The following XCR1 variants were observed in gnomAD, a reference collection of about 807,000 sequenced individuals.
XCR1 encodes the protein X-C motif chemokine receptor 1, also known as chemokine XC receptor 1.
For missense variants in XCR1, 356 were observed against 424.2 expected (o/e 0.84, Z 1.41); for synonymous variants, 187 against 188.5 (o/e 0.99, Z 0.06).
chr3:46,029,112 C>A (rs1708354515), upstream of XCR1, among the ~76,000 whole-genome samples: 1 of 152,180 alleles, frequency 6.6e-6, no homozygotes, highest in Admixed American at 6.5e-5. Context: ...AATCACAAAT[C>A]CTCCAACTTT....
chr3:46,038,560 A>C (rs763803840), intron 5 of XCR1, among the ~76,000 whole-genome samples: 33 of 152,168 alleles, frequency 2.2e-4, no homozygotes, highest in Non-Finnish European at 4.4e-4. Context: ...ATTTCTAACG[A>C]GTCATCATTT....
In XCR1 at chr3:46,019,166, C is replaced by T. The variant is rs372370900; in HGVS notation, c.*1780G>A. ...TAAGCAATCTCTCTACTACTACACC[C>T]TACTCTCTTTCTACTACTCTCTGAG... On this transcript the variant is annotated 3_prime_UTR_variant, in exon 2 of 2. Transcript: ENST00000309285. 1.4e-4 allele frequency: 22 copies of T among 152,170 alleles called. No individual in the cohort carries two copies. Among genetic ancestry groups the T allele is most frequent in the African/African-American group, 5.3e-4 (22 of 41,448 alleles). The allele number at this position is 152,170 out of a possible 1,614,324, so 9.4% of individuals were successfully genotyped here. A position where few individuals can be genotyped will look rare whatever the true frequency, so the allele number is the denominator to read the frequency against.
At chr3:46,077,153 G>T (rs1441031668) in intron 1 of XCR1, among the ~76,000 whole-genome samples, 1 of 152,182 alleles carries the variant, frequency 6.6e-6, no homozygotes, top group East Asian at 1.9e-4. Context: ...CTAGCTCAGG[G>T]GTCCTCAACC....
At position 46,017,294 on chromosome 3, in the gene XCR1, A is replaced by G. The variant is rs1311430706; in HGVS notation, c.*3652T>C. On this transcript the variant is annotated 3_prime_UTR_variant, in exon 2 of 2. Transcript: ENST00000309285. ...ACTCCACAGACAGTTTACTTTGGAC[A>G]TCTTTAGACCAGGTTTCCATGTTTG... 2.0e-5 allele frequency: 3 copies of G among 152,258 alleles called. No individual in the cohort carries two copies. Among genetic ancestry groups the G allele is most frequent in the Non-Finnish European group, 4.4e-5 (3 of 68,044 alleles). The allele number at this position is 152,258 out of a possible 1,614,324, so 9.4% of individuals were successfully genotyped here. A position where few individuals can be genotyped will look rare whatever the true frequency, so the allele number is the denominator to read the frequency against.
In XCR1 at chr3:46,019,648, A is replaced by T. The variant is rs944194346; in HGVS notation, c.*1298T>A. 6.6e-6 allele frequency: 1 copy of T among 152,394 alleles called. No homozygotes were observed. Among genetic ancestry groups the T allele is most frequent in the African/African-American group, 2.4e-5 (1 of 41,442 alleles). The allele number at this position is 152,394 out of a possible 1,614,324, so 9.4% of individuals were successfully genotyped here. A position where few individuals can be genotyped will look rare whatever the true frequency, so the allele number is the denominator to read the frequency against. ...AAGGCCAGTGGTGTTTTGGGGTTGG[A>T]TCCCAAGCTGCTGTGGGGAGGAGGC... On this transcript the variant is annotated 3_prime_UTR_variant, in exon 2 of 2. Transcript: ENST00000309285.
At chr3:46,060,206 C>T (rs150660449) in intron 4 of XCR1, among the ~76,000 whole-genome samples, 70 of 152,298 alleles carry the variant, frequency 4.6e-4, no homozygotes, top group African/African-American at 1.6e-3. Flanking sequence ...TCTTCCACTA[C>T]CCATGACTTA....
At chr3:46,044,668 G>T (rs998542986) in intron 5 of XCR1, among the ~76,000 whole-genome samples, 2 of 152,056 alleles carry the variant, frequency 1.3e-5, no homozygotes, top group African/African-American at 4.8e-5. Flanking sequence ...GAAAAGAGGA[G>T]TCATTACTAC....
At chr3:46,081,776 G>A (rs1698369907) in intron 1 of XCR1, among the ~76,000 whole-genome samples, 1 of 151,934 alleles carries the variant, frequency 6.6e-6, no homozygotes, top group Admixed American at 6.6e-5. Context: ...TGATGCCGAG[G>A]TTGGGGTGTG....
intron 5 of XCR1, among the ~76,000 whole-genome samples, chr3:46,039,109 A>C (rs1384521528): frequency 6.6e-6 from 1 of 151,834 alleles, no homozygotes; most frequent in African/African-American, 2.4e-5. Context: ...TTTTGTGGTG[A>C]AAGTTACCTA....
At position 46,021,193 on chromosome 3, in the gene XCR1, C is replaced by T. The variant is rs745583108; in HGVS notation, c.755G>A (p.Arg252Gln). The T allele has an allele frequency of 1.3e-5, 21 of 1,614,140 alleles. No individual in the cohort carries two copies. The South Asian group carries it at 1.9e-4, about 14-fold the overall frequency. Residue 252 changes from arginine to glutamine, a missense_variant, in exon 2 of 2, where the codon CGG becomes CAG. Coordinates refer to ENST00000309285, the MANE Select transcript of XCR1 (RefSeq NM_001024644.2). The surrounding 1 kb of genome is among the most constrained non-coding windows in gnomAD (Gnocchi z 4.7). The part of the protein sequence containing the change: ...NFTLFLQTLF[R>Q]TQIIRSCEAK... ...CTCGCAGCTCCGGATGATCTGGGTC[C>T]GAAACAGCGTCTGCAGAAACAGGGT...
chr3:46,035,922 T>G (rs566923905), intron 5 of XCR1, among the ~76,000 whole-genome samples: 1 of 152,202 alleles, frequency 6.6e-6, no homozygotes, highest in African/African-American at 2.4e-5. Context: ...TTTGGGAAAT[T>G]CCTAAGGAAT....
At chr3:46,078,886 G>A (rs921979356) in intron 1 of XCR1, among the ~76,000 whole-genome samples, 4 of 151,984 alleles carry the variant, frequency 2.6e-5, no homozygotes, top group Non-Finnish European at 5.9e-5. Context: ...GACGCTCGTA[G>A]GGTATTCCTC....
Position 46,021,066 on chromosome 3 carries a change from G to A in XCR1, c.882C>T (p.Phe294=). The A allele has an allele frequency of 1.2e-6, 2 of 1,614,226 alleles. No individual in the cohort carries two copies. Among genetic ancestry groups the A allele is most frequent in the East Asian group, 2.2e-5 (1 of 44,884 alleles). Residue 294 remains phenylalanine (F), a synonymous_variant, in exon 2 of 2, where the codon TTC becomes TTT. Transcript: ENST00000309285. This position sits in a 1 kb window ranked among gnomAD's most constrained non-coding sequence, Gnocchi z 4.7. The part of the protein sequence containing the change: ...PVLYVFVGVK[F]RTHLKHVLRQ... ...GGAGAACATGTTTCAGGTGTGTGCGGAACTTGACCCCCACGAAGACATAGA... is the reference window on the plus strand; with the variant it reads ...GGAGAACATGTTTCAGGTGTGTGCGAAACTTGACCCCCACGAAGACATAGA...
chr3:46,055,491 ACT>A (rs1697835173), intron 4 of XCR1, among the ~76,000 whole-genome samples: 1 of 152,108 alleles, frequency 6.6e-6, no homozygotes, highest in Admixed American at 6.6e-5. Context: ...TTCACCCTGC[ACT>A]CTTTGACCAG....
In XCR1 at chr3:46,017,182, T is replaced by G. The variant is rs1575402640; in HGVS notation, c.*3764A>C. On this transcript the variant is annotated 3_prime_UTR_variant, in exon 2 of 2. Transcript: ENST00000309285. ...TATTGGCTTCTCTACAGTTTATAGG[T>G]GAGGAAACTGAGCCTTGAGAGGCCC... 1 of 152,134 alleles carries G rather than the reference T, an allele frequency of 6.6e-6. No homozygotes were observed. The allele number at this position is 152,134 out of a possible 1,614,324, so 9.4% of individuals were successfully genotyped here.
chr3:46,038,297 C>A (rs1012135030), intron 5 of XCR1, among the ~76,000 whole-genome samples: 1 of 152,070 alleles, frequency 6.6e-6, no homozygotes, highest in Non-Finnish European at 1.5e-5. Flanking sequence ...GGATTACAGG[C>A]ATGAACCACC....
intron 2 of XCR1, among the ~76,000 whole-genome samples, chr3:46,076,577 GAAAAAA>G (rs3053293): frequency 7.4e-6 from 1 of 135,814 alleles, no homozygotes; most frequent in Non-Finnish European, 1.6e-5. Context: ...CCATTATTTT[GAAAAAA>G]AAAAAAAAAA....
chr3:46,069,933 T>C (rs1056838344), intron 3 of XCR1, among the ~76,000 whole-genome samples: 3 of 151,940 alleles, frequency 2.0e-5, no homozygotes, highest in Non-Finnish European at 4.4e-5. Context: ...TGTAGAAGTT[T>C]AATGCTATAA....
chr3:46,021,574 A>G lies in XCR1; in HGVS notation c.374T>C (p.Ile125Thr). 6.2e-7 allele frequency: 1 copy of G among 1,611,132 alleles called. No homozygotes were observed. Among genetic ancestry groups the G allele is most frequent in the Non-Finnish European group, 8.5e-7 (1 of 1,178,506 alleles). ...GCTCACTACCGACAGGTAGCGGTGG[A>G]TGGTCATGATGGTCAGGAAGAAGAT... Reference protein sequence around the residue: ...SSIFFLTIMTIHRYLSVVSPL... With the variant: ...SSIFFLTIMTTHRYLSVVSPL... The change falls in exon 2 of 2, where the codon ATC becomes ACC. Residue 125 changes from isoleucine to threonine, a missense_variant. By Grantham distance (89) the Ile-to-Thr change is moderately conservative. Coordinates refer to ENST00000309285, the MANE Select transcript of XCR1 (RefSeq NM_001024644.2). The surrounding 1 kb of genome is among the most constrained non-coding windows in gnomAD (Gnocchi z 4.7).
Sources: allele counts gnomAD v4.1 joint callset (sites outside exome capture counted in the v4.1 genomes callset), GRCh38; gene constraint gnomAD v4.1.1; non-coding constraint Gnocchi (gnomAD v3.1); transcripts MANE v1.5; gene names NCBI Gene and HGNC (gene_info 2026-07-23, HGNC 2026-07-21).